Variants in UBAP1 observed in about 807,000 individuals in gnomAD.
The protein encoded by UBAP1 is ubiquitin-associated protein 1.
In UBAP1, 5 loss-of-function variants were observed where a neutral mutation model predicts 39.0. The observed-to-expected ratio is 0.13, with a 90% confidence interval of 0.07 to 0.27. The LOEUF is 0.27. UBAP1 is among the 10% of genes least tolerant of loss of function. The probability of loss-of-function intolerance (pLI) is 1.00; values close to 1 mark genes in which losing one functional copy is unlikely to be tolerated. For missense variants in UBAP1, 490 were observed against 608.1 expected, an observed-to-expected ratio of 0.81 and a Z score of 2.04; for synonymous variants, 211 against 225.1, an observed-to-expected ratio of 0.94 and a Z score of 0.56.
chr9:34,237,972 C>A (rs1833786091), intron 3 of UBAP1, among the ~76,000 whole-genome samples: 1 of 152,142 alleles, frequency 6.6e-6, no homozygotes, highest in South Asian at 2.1e-4. Flanking sequence ...TTTCATCACC[C>A]CAAAAGGAAA....
chr9:34,179,408 C>T (rs1025979004), intron 1 of UBAP1, among the ~76,000 whole-genome samples, 168 bp downstream of exon 1: 7 of 151,844 alleles, frequency 4.6e-5, no homozygotes, highest in Non-Finnish European at 1.0e-4. Context: ...GGGGAGGATT[C>T]TGGGAGAAGG....
intron 1 of UBAP1, among the ~76,000 whole-genome samples, chr9:34,204,239 A>G (rs1831555962): frequency 6.6e-6 from 1 of 152,200 alleles, no homozygotes. Context: ...AGGCACAAGA[A>G]TCTTGCTGCT....
chr9:34,184,742 C>T lies in UBAP1; in HGVS notation c.-8+5502C>T, dbSNP rs373836494. Among the ~76,000 whole-genome samples the T allele has an allele frequency of 1.3e-3, 196 of 150,936 alleles. 7 individuals are homozygous for T. In the South Asian group the frequency reaches 0.04, roughly 30 times the overall value. On this transcript the variant is annotated intron_variant, in intron 1 of 6. Coordinates refer to ENST00000297661, the MANE Select transcript of UBAP1 (RefSeq NM_016525.5). ...GGTTCAAGAGATTCTCCTGCCTCAG[C>T]CTCCTGAGTAGCTGGGACTACAGAT...
At position 34,245,916 on chromosome 9, in the gene UBAP1, G is replaced by A. The variant is rs531861928; in HGVS notation, c.1083+3808G>A. ...TCACACCAGTAATCCCAGCATTTTG[G>A]GAGGCCGAGGTGGGAGGATTGCTTG... On this transcript the variant is annotated intron_variant, in intron 4 of 6. Coordinates refer to ENST00000297661, the MANE Select transcript of UBAP1 (RefSeq NM_016525.5). Among the ~76,000 whole-genome samples the A allele has an allele frequency of 1.1e-3, 163 of 151,116 alleles. 1 individual carries two copies. Among genetic ancestry groups the A allele is most frequent in the African/African-American group, 3.3e-3 (136 of 41,070 alleles).
intron 4 of UBAP1, among the ~76,000 whole-genome samples, chr9:34,249,370 T>TA (rs775445314): frequency 1.3e-5 from 2 of 152,106 alleles, no homozygotes; most frequent in Non-Finnish European, 2.9e-5. Flanking sequence ...TCAGAACTGA[T>TA]ACTTCAGCCT....
Position 34,229,810 on chromosome 9 carries a change from T to G in UBAP1, c.35-4406T>G, listed in dbSNP as rs140365214. On this transcript the variant is annotated intron_variant, in intron 2 of 6. Coordinates refer to ENST00000297661, the MANE Select transcript of UBAP1 (RefSeq NM_016525.5). Reference sequence around the variant, plus strand: ...CCTCGGCCTCCCAAAATGCTGGGATTACAGGCATAAGTCACCATGCTTGGC... The same window carrying G: ...CCTCGGCCTCCCAAAATGCTGGGATGACAGGCATAAGTCACCATGCTTGGC... Among the ~76,000 whole-genome samples, 205 of 152,220 alleles carry G rather than the reference T, an allele frequency of 1.3e-3. 1 individual carries two copies. Among genetic ancestry groups the G allele is most frequent in the South Asian group, 8.9e-3 (43 of 4,820 alleles).
Position 34,225,968 on chromosome 9 carries a change from A to G in UBAP1, c.34+5020A>G, listed in dbSNP as rs148253693. Among the ~76,000 whole-genome samples the G allele has an allele frequency of 3.5e-3, 529 of 152,210 alleles. 6 individuals carry two copies. The highest frequency in any genetic ancestry group is 0.012 in the African/African-American group (510 of 41,540). ...AAATCACTTTATCGAGGTATAATTG[A>G]TATATAAAAAGCTGTACATATTTAC... On this transcript the variant is annotated intron_variant, in intron 2 of 6. Transcript: ENST00000297661.
intron 2 of UBAP1, chr9:34,223,891 G>GT (rs1005082891): frequency 1.3e-4 from 32 of 252,668 alleles, no homozygotes; most frequent in East Asian, 3.1e-4. Flanking sequence ...GGCTTTACTT[G>GT]TTTTTTTTGT....
At chr9:34,184,068 C>T (rs560669874) in intron 1 of UBAP1, among the ~76,000 whole-genome samples, 102 of 152,004 alleles carry the variant, frequency 6.7e-4, no homozygotes, top group African/African-American at 2.2e-3. Context: ...GCGCTCCCGG[C>T]CCAGAATTTC....
intron 1 of UBAP1, among the ~76,000 whole-genome samples, chr9:34,216,906 A>G (rs1832353939): frequency 6.6e-6 from 1 of 151,966 alleles, no homozygotes; most frequent in East Asian, 1.9e-4. Flanking sequence ...TATAGAATAT[A>G]TTATTGTTAA....
At chr9:34,235,133 G>A (rs1833621249) in intron 3 of UBAP1, among the ~76,000 whole-genome samples, 1 of 152,002 alleles carries the variant, frequency 6.6e-6, no homozygotes, top group Non-Finnish European at 1.5e-5. Flanking sequence ...TATAGAATAA[G>A]AGTATAAAGA....
At chr9:34,234,865 T>C (rs181883262) in intron 3 of UBAP1, among the ~76,000 whole-genome samples, 27 of 152,306 alleles carry the variant, frequency 1.8e-4, no homozygotes, top group Admixed American at 1.2e-3. Context: ...ATTATCTTTC[T>C]ACTTATTAAA....
rs1439921714 is a variant in UBAP1 at position 34,251,624 on chromosome 9, G to A, written c.*92G>A. ...TGGGGAAAGAGAAGGGGCAGCTTCC[G>A]GATTTTCTTTTGGGGGTTAGAAGGT... On this transcript the variant is annotated 3_prime_UTR_variant, in exon 7 of 7. Transcript: ENST00000297661. 13 of 1,442,088 alleles carry A rather than the reference G, an allele frequency of 9.0e-6. No homozygotes were observed. Among genetic ancestry groups the A allele is most frequent in the Non-Finnish European group, 1.2e-5 (13 of 1,078,736 alleles). 89.3% of individuals were successfully genotyped at this position (1,442,088 alleles called of 1,614,324 possible).
rs1554644660 is a variant in UBAP1, at chr9:34,181,116, C to CTTTTTTTCT, written c.-8+1883_-8+1884insCTTTTTTTT. 6.1e-4 allele frequency among the ~76,000 whole-genome samples: 44 copies of CTTTTTTTCT among 72,274 alleles called. 4 individuals are homozygous for CTTTTTTTCT. Among genetic ancestry groups the CTTTTTTTCT allele is most frequent in the Middle Eastern group, 0.034 (2 of 58 alleles). 47.4% of individuals were successfully genotyped at this position (72,274 alleles called of 152,430 possible). ...TGAGCCACCGCACCCGGCCTGTTTTCTTTTTTTTTTTTTTTTTGAGACAGA... is the reference window on the plus strand; with the variant it reads ...TGAGCCACCGCACCCGGCCTGTTTTCTTTTTTTCTTTTTTTTTTTTTTTTTTGAGACAGA... On this transcript the variant is annotated intron_variant, in intron 1 of 6. Coordinates refer to ENST00000297661, the MANE Select transcript of UBAP1 (RefSeq NM_016525.5).
chr9:34,182,820 C>T (rs1168326605), intron 1 of UBAP1, among the ~76,000 whole-genome samples: 1 of 151,930 alleles, frequency 6.6e-6, no homozygotes, highest in South Asian at 2.1e-4. Context: ...ACGCCATTCT[C>T]CTGCCTCAGC....
chr9:34,209,704 T>G (rs1484386006), intron 1 of UBAP1, among the ~76,000 whole-genome samples: 3 of 9,454 alleles, frequency 3.2e-4, no homozygotes, highest in South Asian at 0.016. Flanking sequence ...AGTTACCTAT[T>G]TTTTTTTTTG....
intron 4 of UBAP1, among the ~76,000 whole-genome samples, chr9:34,246,781 G>C (rs1259874519): frequency 6.6e-6 from 1 of 152,220 alleles, no homozygotes; most frequent in Non-Finnish European, 1.5e-5. Context: ...TCTGAGGCCT[G>C]AGAGCATGCT....
At chr9:34,224,280 G>C in intron 2 of UBAP1, 1 of 470,882 alleles carries the variant, frequency 2.1e-6, no homozygotes, top group South Asian at 4.2e-5. Flanking sequence ...TCGTACCACT[G>C]TCCATACGGT....
intron 1 of UBAP1, among the ~76,000 whole-genome samples, chr9:34,212,729 C>CA (rs67982134): frequency 0.95 from 143,757 of 152,034 alleles, 68,237 homozygotes; most frequent in Non-Finnish European, 0.99. Flanking sequence ...AAATTACCAA[C>CA]AAAAAAGTCC....
Sources: gnomAD v4.1 joint callset for allele counts (sites outside exome capture counted in the v4.1 genomes callset) on GRCh38, gnomAD v4.1.1 for gene constraint, MANE v1.5 for transcripts, NCBI Gene and HGNC (gene_info 2026-07-23, HGNC 2026-07-21) for gene names.